The following PXDNL variants were observed in gnomAD, a reference collection of about 807,000 sequenced individuals.
PXDNL encodes peroxidasin like.
In PXDNL, 145 loss-of-function variants were observed where a neutral mutation model predicts 150.8. The observed-to-expected ratio is 0.96, with a 90% CI of 0.84 to 1.10. The LOEUF (loss-of-function observed/expected upper bound fraction) is 1.10, where lower values mean the gene tolerates loss of function less well. Among genes scored for constraint, PXDNL ranks in the 50% least tolerant of loss-of-function variants. The probability of loss-of-function intolerance (pLI) is 0.00; values close to 1 mark genes in which losing one functional copy is unlikely to be tolerated. For missense variants in PXDNL, 2,087 were observed against 1,873.9 expected (o/e 1.11, Z -2.10); for synonymous variants, 757 against 725.7 (o/e 1.04, Z -0.69).
chr8:51,713,005 C>T (rs1398140215), intron 1 of PXDNL, among the ~76,000 whole-genome samples: 10 of 152,172 alleles, frequency 6.6e-5, no homozygotes, highest in Non-Finnish European at 1.0e-4. Context: ...AAATCTCTAA[C>T]GTGAGCTAAT....
chr8:51,628,464 G>A (rs1439532399), intron 2 of PXDNL, among the ~76,000 whole-genome samples: 1 of 124,162 alleles, frequency 8.1e-6, no homozygotes, highest in Non-Finnish European at 1.6e-5. Context: ...GGAGTACAGT[G>A]GCGCTGTCTC....
At chr8:51,728,397 CA>C (rs1423126409) in intron 1 of PXDNL, among the ~76,000 whole-genome samples, 1 of 152,050 alleles carries the variant, frequency 6.6e-6, no homozygotes, top group African/African-American at 2.4e-5. Context: ...GCAGGTCCTT[CA>C]AAATGTGTTC....
chr8:51,619,521 T>C lies in PXDNL; in HGVS notation c.237-26823A>G, dbSNP rs551378393. ...GAGGTGGGGCCTGGTGGGAGGTGAT[T>C]AGATCACGGGGGTGGATTTCCCCTT... On this transcript the variant is annotated intron_variant, in intron 2 of 22. Transcript: ENST00000356297. 2.0e-5 allele frequency among the ~76,000 whole-genome samples: 3 copies of C among 152,194 alleles called. No individual in the cohort carries two copies. In the South Asian group the frequency reaches 6.2e-4, roughly 32 times the overall value.
intron 2 of PXDNL, among the ~76,000 whole-genome samples, chr8:51,625,558 CTG>C: frequency 6.6e-6 from 1 of 152,082 alleles, no homozygotes. Context: ...TCTGTTCAGA[CTG>C]TGAAAAATAT....
chr8:51,332,574 CAA>C (rs34764699), intron 21 of PXDNL, among the ~76,000 whole-genome samples: 3 of 135,220 alleles, frequency 2.2e-5, no homozygotes, highest in Non-Finnish European at 1.6e-5. Flanking sequence ...GAGCTTGTAT[CAA>C]AAAAAAAAAG....
intron 2 of PXDNL, among the ~76,000 whole-genome samples, chr8:51,634,603 T>A (rs1383361041): frequency 6.6e-6 from 1 of 152,050 alleles, no homozygotes; most frequent in Non-Finnish European, 1.5e-5. Context: ...ATTCTTCCAA[T>A]CCATGAGCAT....
At chr8:51,368,772 G>T (rs967553745) in intron 19 of PXDNL, among the ~76,000 whole-genome samples, 6 of 152,076 alleles carry the variant, frequency 3.9e-5, no homozygotes, top group Non-Finnish European at 5.9e-5. Flanking sequence ...GAGGCAGGCA[G>T]ATCACTTGAG....
chr8:51,529,735 A>G (rs1267830638), intron 4 of PXDNL, among the ~76,000 whole-genome samples: 1 of 152,110 alleles, frequency 6.6e-6, no homozygotes, highest in African/African-American at 2.4e-5. Context: ...TAAACATCTG[A>G]TAGCCACCTG....
At chr8:51,585,618 G>A (rs1813306442) in intron 3 of PXDNL, among the ~76,000 whole-genome samples, 1 of 152,092 alleles carries the variant, frequency 6.6e-6, no homozygotes, top group Admixed American at 6.6e-5. Flanking sequence ...ATGAAGGCTG[G>A]TTTGGAGTGA....
At chr8:51,393,770 G>A (rs961358738) in intron 17 of PXDNL, among the ~76,000 whole-genome samples, 3 of 152,166 alleles carry the variant, frequency 2.0e-5, no homozygotes, top group Non-Finnish European at 4.4e-5. Flanking sequence ...GAAAAGAAGG[G>A]GCCCCAGCGA....
intron 17 of PXDNL, among the ~76,000 whole-genome samples, chr8:51,395,545 G>A (rs1808055410): frequency 6.6e-6 from 1 of 152,142 alleles, no homozygotes; most frequent in Non-Finnish European, 1.5e-5. Flanking sequence ...TTCAAATTAT[G>A]AGACAAAAGA....
chr8:51,683,851 G>A (rs935602780), intron 1 of PXDNL, among the ~76,000 whole-genome samples: 1 of 151,868 alleles, frequency 6.6e-6, no homozygotes. Context: ...AAGGCAGAAA[G>A]CACAATCAGA....
chr8:51,631,525 T>G (rs1461020348), intron 2 of PXDNL, among the ~76,000 whole-genome samples: 1 of 152,024 alleles, frequency 6.6e-6, no homozygotes, highest in Non-Finnish European at 1.5e-5. Context: ...TACAAGAAAT[T>G]TTAGAGGGAA....
At position 51,535,718 on chromosome 8, in the gene PXDNL, AAAAT is replaced by A. The variant is rs1056233135; in HGVS notation, c.380+21118_380+21121del. Among the ~76,000 whole-genome samples, 94 of 138,846 alleles carry A rather than the reference AAAAT, an allele frequency of 6.8e-4. 3 individuals are homozygous for A. Among genetic ancestry groups the A allele is most frequent in the African/African-American group, 2.5e-3 (81 of 32,808 alleles). The allele number at this position is 138,846 out of a possible 152,430, so 91.1% of individuals were successfully genotyped here. ...GAAACACCCAAGAATGATCAATAAA[AAAAT>A]AAATAAATAAATAAATAAAAATAAA... is the stretch of plus-strand genomic sequence containing the variant. On this transcript the variant is annotated intron_variant, in intron 4 of 22. Transcript: ENST00000356297.
chr8:51,393,212 G>C (rs1807966117), intron 17 of PXDNL, among the ~76,000 whole-genome samples: 1 of 152,086 alleles, frequency 6.6e-6, no homozygotes, highest in Non-Finnish European at 1.5e-5. Context: ...TTCCATAATT[G>C]GAGACCAATG....
At chr8:51,775,740 G>A (rs765007764) in intron 1 of PXDNL, among the ~76,000 whole-genome samples, 14 of 151,942 alleles carry the variant, frequency 9.2e-5, no homozygotes, top group Non-Finnish European at 1.9e-4. Flanking sequence ...ATCACCTCAG[G>A]ACCCTGTGAT....
At chr8:51,424,556 A>G (rs1486256492) in intron 13 of PXDNL, among the ~76,000 whole-genome samples, 1 of 151,932 alleles carries the variant, frequency 6.6e-6, no homozygotes, top group African/African-American at 2.4e-5. Context: ...TTAAAAATAT[A>G]AGAAGATAAA....
intron 21 of PXDNL, among the ~76,000 whole-genome samples, chr8:51,330,792 A>C (rs190116474): frequency 6.6e-6 from 1 of 152,304 alleles, no homozygotes; most frequent in Admixed American, 6.5e-5. Context: ...AATAGCCCCT[A>C]AAGTCTTAAT....
At chr8:51,560,895 T>TA (rs1278328212) in intron 3 of PXDNL, among the ~76,000 whole-genome samples, 3 of 151,398 alleles carry the variant, frequency 2.0e-5, no homozygotes, top group Non-Finnish European at 4.4e-5. Context: ...GATAAGGAGT[T>TA]AATATCCAGA....
Sources: allele counts gnomAD v4.1 joint callset (sites outside exome capture counted in the v4.1 genomes callset), GRCh38; gene constraint gnomAD v4.1.1; transcripts MANE v1.5; gene names NCBI Gene and HGNC (gene_info 2026-07-23, HGNC 2026-07-21).